The following RHOBTB2 variants were observed in gnomAD, a reference collection of about 807,000 sequenced individuals.
RHOBTB2 encodes the protein rho-related BTB domain-containing protein 2.
A neutral mutation model predicts 66.5 loss-of-function variants in RHOBTB2; 39 were observed. The observed-to-expected ratio is 0.59, with a 90% CI of 0.45 to 0.77. The LOEUF is 0.77. Ranked by LOEUF, RHOBTB2 falls within the 30% of genes least tolerant of loss-of-function variation. The pLI is 0.00. For missense variants in RHOBTB2, 755 were observed against 999.1 expected (o/e 0.76, Z 3.29); for synonymous variants, 390 against 395.0 (o/e 0.99, Z 0.15).
chr8:23,005,281 C>T, intron 2 of RHOBTB2, 91 bp from the exon 3 acceptor site: 1 of 930,258 alleles, frequency 1.1e-6, no homozygotes, highest in Non-Finnish European at 1.7e-6. Flanking sequence ...GTCTGGGGCC[C>T]CCAGGTGTCA....
intron 8 of RHOBTB2, 87 bp downstream of exon 8, chr8:23,014,865 G>A: frequency 9.6e-7 from 1 of 1,038,542 alleles, no homozygotes; most frequent in East Asian, 2.6e-5. Flanking sequence ...GGTGGAAGAT[G>A]GTCTATGCGG....
chr8:23,017,635 A>T lies in RHOBTB2; in HGVS notation c.*166A>T. 8.8e-7 allele frequency: 1 copy of T among 1,133,474 alleles called. No homozygotes were observed. 70.2% of individuals were successfully genotyped at this position (1,133,474 alleles called of 1,614,324 possible). The stretch of plus-strand genomic sequence containing the variant: ...AGCCACCGTGGCTCAGCCAGAGAGG[A>T]GCTGAGCCCTGTGGAGCAGAACGGG... On this transcript the variant is annotated 3_prime_UTR_variant, in exon 10 of 10. Coordinates refer to ENST00000251822, the MANE Select transcript of RHOBTB2 (RefSeq NM_015178.3). The surrounding 1 kb of genome is among the most constrained non-coding windows in gnomAD (Gnocchi z 5.3).
chr8:22,986,269 T>A (rs1478329695), upstream of RHOBTB2, among the ~76,000 whole-genome samples: 26 of 146,154 alleles, frequency 1.8e-4, no homozygotes, highest in Non-Finnish European at 3.3e-4. Flanking sequence ...GCATTGCTTT[T>A]TTTTTTTTTT....
chr8:23,015,230 T>C (rs1413105771), intron 8 of RHOBTB2, among the ~76,000 whole-genome samples: 1 of 152,186 alleles, frequency 6.6e-6, no homozygotes, highest in African/African-American at 2.4e-5. Flanking sequence ...CAGGCAGGGC[T>C]TGCAGACACC....
intron 1 of RHOBTB2, among the ~76,000 whole-genome samples, chr8:23,001,069 C>T (rs1368423615): frequency 3.9e-5 from 6 of 152,138 alleles, no homozygotes. Context: ...TTTTGGCTTG[C>T]ACCAAGTACA....
At chr8:23,011,682 G>T (rs1380869422) in intron 7 of RHOBTB2, among the ~76,000 whole-genome samples, 1 of 152,180 alleles carries the variant, frequency 6.6e-6, no homozygotes, top group Non-Finnish European at 1.5e-5. Context: ...AGAGACCCAG[G>T]CAGGCAGACG....
chr8:23,009,539 T>C (rs1811074931), intron 6 of RHOBTB2, among the ~76,000 whole-genome samples: 1 of 152,156 alleles, frequency 6.6e-6, no homozygotes, highest in African/African-American at 2.4e-5. Flanking sequence ...CCCCTACTGT[T>C]CTGTAACTGC....
chr8:22,999,679 C>T lies in RHOBTB2; in HGVS notation c.-437C>T, dbSNP rs1810701921. On this transcript the variant is annotated 5_prime_UTR_variant, in exon 1 of 10. Coordinates refer to ENST00000251822, the MANE Select transcript of RHOBTB2 (RefSeq NM_015178.3). ...GAAAAAAGGAGGTCGCGAGCGGTACCTGGGACTGCAGCGCCAGGCGTCTTC... is the reference window on the plus strand; with the variant it reads ...GAAAAAAGGAGGTCGCGAGCGGTACTTGGGACTGCAGCGCCAGGCGTCTTC... The T allele has an allele frequency of 8.2e-7, 1 of 1,226,386 alleles. No individual in the cohort carries two copies. The highest frequency in any genetic ancestry group is 1.0e-6 in the Non-Finnish European group (1 of 961,340). 76.0% of individuals were successfully genotyped at this position (1,226,386 alleles called of 1,614,324 possible). A position where few individuals can be genotyped will look rare whatever the true frequency, so the allele number is the denominator to read the frequency against.
At chr8:22,990,448 G>C (rs939401802) in intron 1 of RHOBTB2, among the ~76,000 whole-genome samples, 1 of 152,178 alleles carries the variant, frequency 6.6e-6, no homozygotes, top group Non-Finnish European at 1.5e-5. Flanking sequence ...CCTAGTCCCC[G>C]GCTCTCTGGG....
At chr8:22,975,078 T>C in the RHOBTB2 span, among the ~76,000 whole-genome samples, 2 of 152,128 alleles carry the variant, frequency 1.3e-5, no homozygotes, top group South Asian at 4.2e-4. Flanking sequence ...AAAACCCACA[T>C]GGGAGGCGCC....
At chr8:22,972,766 G>A in the RHOBTB2 span, among the ~76,000 whole-genome samples, 4 of 152,186 alleles carry the variant, frequency 2.6e-5, no homozygotes, top group Admixed American at 1.3e-4. Flanking sequence ...TGCTCCCCTG[G>A]CTGCTGACCA....
the RHOBTB2 span, among the ~76,000 whole-genome samples, chr8:22,958,573 A>C: frequency 6.6e-6 from 1 of 152,086 alleles, no homozygotes; most frequent in Non-Finnish European, 1.5e-5. Context: ...TTGAGGCAGC[A>C]GGATTTCTTG....
At chr8:23,002,775 G>A (rs969942536) in intron 1 of RHOBTB2, among the ~76,000 whole-genome samples, 2 of 152,194 alleles carry the variant, frequency 1.3e-5, no homozygotes, top group African/African-American at 4.8e-5. Context: ...TGGAGACCAT[G>A]AGGGCACTGC....
At chr8:22,991,455 G>C (rs576099210) in intron 1 of RHOBTB2, among the ~76,000 whole-genome samples, 3 of 152,134 alleles carry the variant, frequency 2.0e-5, no homozygotes, top group Admixed American at 2.0e-4. Context: ...AGAAAAGAGG[G>C]GTCTGTGAAG....
At chr8:23,010,403 A>G in intron 6 of RHOBTB2, 135 bp from the exon 7 acceptor site, 1 of 959,864 alleles carries the variant, frequency 1.0e-6, no homozygotes, top group Non-Finnish European at 1.5e-6. Flanking sequence ...CAGCAGATAC[A>G]CATGCAGCAC....
chr8:23,010,342 G>A (rs1265250110), intron 6 of RHOBTB2, among the ~76,000 whole-genome samples, 196 bp from the exon 7 acceptor site: 2 of 152,060 alleles, frequency 1.3e-5, no homozygotes, highest in African/African-American at 2.4e-5. Flanking sequence ...CAGCAAACTG[G>A]GGCTCAGCAC....
chr8:22,978,673 G>GA, the RHOBTB2 span, among the ~76,000 whole-genome samples: 1 of 150,850 alleles, frequency 6.6e-6, no homozygotes, highest in Non-Finnish European at 1.5e-5. Context: ...AGAAAGAAAG[G>GA]AAAAAATGTT....
At chr8:22,956,196 A>G in the RHOBTB2 span, among the ~76,000 whole-genome samples, 1 of 152,220 alleles carries the variant, frequency 6.6e-6, no homozygotes, top group Admixed American at 6.5e-5. Flanking sequence ...CAGTTACCAA[A>G]GCTAGGACAT....
At chr8:22,984,767 T>C, upstream of RHOBTB2, 1 of 152,000 alleles carries the variant, frequency 6.6e-6, no homozygotes, top group East Asian at 1.9e-4. Flanking sequence ...CTACTAAAAA[T>C]ACAAAAATTA....
Sources: allele counts gnomAD v4.1 joint callset (sites outside exome capture counted in the v4.1 genomes callset), GRCh38; gene constraint gnomAD v4.1.1; non-coding constraint Gnocchi (gnomAD v3.1); transcripts MANE v1.5; gene names NCBI Gene and HGNC (gene_info 2026-07-23, HGNC 2026-07-21).